Variants in SPAG16 observed in about 807,000 individuals in gnomAD.
SPAG16 encodes sperm-associated antigen 16 protein.
SPAG16 carries 86 observed loss-of-function variants against 80.4 expected under a neutral mutation model. The observed-to-expected ratio is 1.07, with a 90% CI of 0.90 to 1.28. The LOEUF (loss-of-function observed/expected upper bound fraction) is 1.28, where lower values mean the gene tolerates loss of function less well. Among genes scored for constraint, SPAG16 ranks in the 50% most tolerant of loss-of-function variants. The probability of loss-of-function intolerance (pLI) is 0.00; values close to 1 mark genes in which losing one functional copy is unlikely to be tolerated. For missense variants in SPAG16, 870 were observed against 765.3 expected (o/e 1.14, Z -1.61); for synonymous variants, 294 against 265.9 (o/e 1.11, Z -1.03).
intron 15 of SPAG16, among the ~76,000 whole-genome samples, chr2:214,296,274 T>C (rs890118533): frequency 6.6e-6 from 1 of 152,238 alleles, no homozygotes; most frequent in Admixed American, 6.5e-5. Context: ...AGTGTATATA[T>C]GTTTAATCCT....
chr2:213,473,903 G>T (rs1170376212), intron 9 of SPAG16, among the ~76,000 whole-genome samples: 1 of 152,196 alleles, frequency 6.6e-6, no homozygotes, highest in Non-Finnish European at 1.5e-5. Flanking sequence ...TCTAGTTATA[G>T]ATCTAGAAGC....
At position 213,310,086 on chromosome 2, in the gene SPAG16, C is replaced by T; in HGVS notation, c.307C>T (p.His103Tyr). ...LERKTVLPSK[H>Y]AVPEVIEDFL... Reference sequence around the variant, plus strand: ...ACGGAAAACAGTTCTTCCTTCAAAGCATGCAGTACCTGAAGTAATAGAAGA... The same window carrying T: ...ACGGAAAACAGTTCTTCCTTCAAAGTATGCAGTACCTGAAGTAATAGAAGA... Residue 103 changes from histidine to tyrosine, a missense_variant, in exon 4 of 16, where the codon CAT (histidine) becomes TAT (tyrosine). By Grantham distance (83) the His-to-Tyr change is moderately conservative. Transcript: ENST00000331683. 6.2e-7 allele frequency: 1 copy of T among 1,608,566 alleles called. No individual in the cohort carries two copies. Among genetic ancestry groups the T allele is most frequent in the South Asian group, 1.1e-5 (1 of 89,988 alleles).
intron 15 of SPAG16, among the ~76,000 whole-genome samples, chr2:214,309,867 G>A (rs769503944): frequency 6.6e-5 from 10 of 152,190 alleles, no homozygotes; most frequent in Non-Finnish European, 1.0e-4. Flanking sequence ...TAGAGGCAAG[G>A]CAGCAGCTGG....
At chr2:213,521,446 A>T (rs1345789782) in intron 10 of SPAG16, among the ~76,000 whole-genome samples, 1 of 152,152 alleles carries the variant, frequency 6.6e-6, no homozygotes, top group Non-Finnish European at 1.5e-5. Context: ...TTTCAGGAAG[A>T]CTTCCAGGAT....
intron 10 of SPAG16, among the ~76,000 whole-genome samples, chr2:213,667,181 T>C (rs982540064): frequency 1.3e-5 from 2 of 152,238 alleles, no homozygotes; most frequent in Non-Finnish European, 2.9e-5. Flanking sequence ...ATATTGTTTG[T>C]ATCAGTCACG....
At chr2:214,204,352 T>C (rs56393190) in intron 15 of SPAG16, among the ~76,000 whole-genome samples, 45,596 of 152,216 alleles carry the variant, frequency 0.3, 8,534 homozygotes, top group Non-Finnish European at 0.41. Flanking sequence ...AAGCACCACC[T>C]TCTGGCTGAA....
chr2:213,396,337 T>C (rs997036499), intron 9 of SPAG16, among the ~76,000 whole-genome samples: 1 of 152,234 alleles, frequency 6.6e-6, no homozygotes, highest in African/African-American at 2.4e-5. Context: ...ATAGTTTATC[T>C]CCCCACATAT....
intron 9 of SPAG16, among the ~76,000 whole-genome samples, chr2:213,401,658 T>G (rs977141055): frequency 6.6e-6 from 1 of 152,188 alleles, no homozygotes; most frequent in Admixed American, 6.5e-5. Context: ...TAGGAATTAG[T>G]ATATAGTGGG....
At chr2:214,244,046 C>T (rs910755807) in intron 15 of SPAG16, among the ~76,000 whole-genome samples, 4 of 152,038 alleles carry the variant, frequency 2.6e-5, no homozygotes, top group East Asian at 3.9e-4. Context: ...TAATTTTAAT[C>T]GTAATGCATT....
intron 15 of SPAG16, among the ~76,000 whole-genome samples, chr2:214,301,903 T>C (rs576255729): frequency 1.3e-5 from 2 of 152,196 alleles, no homozygotes; most frequent in Non-Finnish European, 2.9e-5. Flanking sequence ...CTTTTGGATG[T>C]AGACATTCAA....
intron 1 of SPAG16, among the ~76,000 whole-genome samples, chr2:213,295,580 G>C (rs754989252): frequency 6.6e-6 from 1 of 151,834 alleles, no homozygotes; most frequent in East Asian, 1.9e-4. Flanking sequence ...AAATATTGGC[G>C]TGCATTTGTT....
intron 15 of SPAG16, among the ~76,000 whole-genome samples, chr2:214,246,229 G>A (rs770316864): frequency 1.1e-4 from 16 of 147,560 alleles, no homozygotes; most frequent in Non-Finnish European, 2.2e-4. Flanking sequence ...GTTTACAAAC[G>A]CACAAATTAT....
intron 7 of SPAG16, among the ~76,000 whole-genome samples, chr2:213,358,462 A>G (rs1368939793): frequency 6.6e-6 from 1 of 151,112 alleles, no homozygotes; most frequent in African/African-American, 2.4e-5. Context: ...ATTTCTTTTT[A>G]CTCTTTTTCT....
intron 15 of SPAG16, among the ~76,000 whole-genome samples, chr2:214,181,173 GAAGA>G (rs2057296577): frequency 6.6e-6 from 1 of 151,796 alleles, no homozygotes; most frequent in Non-Finnish European, 1.5e-5. Context: ...GAACATCTGA[GAAGA>G]AAGAGAAGCA....
chr2:214,283,665 T>C (rs1254250354), intron 15 of SPAG16, among the ~76,000 whole-genome samples: 2 of 152,162 alleles, frequency 1.3e-5, no homozygotes, highest in Non-Finnish European at 2.9e-5. Context: ...AGAAGAAAGA[T>C]TGTACTCCAA....
chr2:213,901,654 T>C (rs1214451318), intron 11 of SPAG16, among the ~76,000 whole-genome samples: 1 of 152,140 alleles, frequency 6.6e-6, no homozygotes, highest in Admixed American at 6.5e-5. Flanking sequence ...ATTTTTATAT[T>C]TGTCCCACTT....
At chr2:214,361,425 C>T (rs1047408881) in intron 15 of SPAG16, among the ~76,000 whole-genome samples, 2 of 151,690 alleles carry the variant, frequency 1.3e-5, no homozygotes, top group African/African-American at 4.8e-5. Context: ...TATGTTTTGG[C>T]CTTTGTTTCT....
intron 10 of SPAG16, among the ~76,000 whole-genome samples, chr2:213,608,670 A>G (rs1433629720): frequency 1.3e-5 from 2 of 152,228 alleles, no homozygotes; most frequent in African/African-American, 2.4e-5. Flanking sequence ...ATGATTTATA[A>G]TCCTTTGGGT....
intron 15 of SPAG16, among the ~76,000 whole-genome samples, chr2:214,243,989 A>G (rs1689669409): frequency 6.6e-6 from 1 of 152,102 alleles, no homozygotes; most frequent in African/African-American, 2.4e-5. Context: ...ATGTTTCTAA[A>G]GTTCAAATTT....
Sources: allele counts gnomAD v4.1 joint callset (sites outside exome capture counted in the v4.1 genomes callset), GRCh38; gene constraint gnomAD v4.1.1; transcripts MANE v1.5; gene names NCBI Gene and HGNC (gene_info 2026-07-23, HGNC 2026-07-21).